The following IGF1 variants were observed in gnomAD, a reference collection of about 807,000 sequenced individuals.
The protein encoded by IGF1 is insulin-like growth factor 1.
In IGF1, 4 loss-of-function variants were observed where a neutral mutation model predicts 13.8. The ratio of observed to expected loss-of-function variants is 0.29; its 90% confidence interval spans 0.14 to 0.66. The LOEUF (loss-of-function observed/expected upper bound fraction) is 0.66. IGF1 is among the 30% of genes least tolerant of loss of function. The pLI is 0.78. For missense variants in IGF1, 124 were observed against 188.5 expected (o/e 0.66, Z 2.00); for synonymous variants, 76 against 72.6 (o/e 1.05, Z -0.23).
intron 2 of IGF1, among the ~76,000 whole-genome samples, chr12:102,433,336 A>G (rs745454680): frequency 6.6e-6 from 1 of 152,220 alleles, no homozygotes; most frequent in Non-Finnish European, 1.5e-5. Flanking sequence ...ACAGGTCACT[A>G]TCTCCTTATA....
intron 2 of IGF1, among the ~76,000 whole-genome samples, chr12:102,425,555 G>A (rs1876128140): frequency 6.6e-6 from 1 of 152,192 alleles, no homozygotes; most frequent in African/African-American, 2.4e-5. Context: ...TAAAAGGAAT[G>A]AAGCAGAGTT....
At chr12:102,481,834 C>T (rs1196544056), upstream of IGF1, 4 of 150,620 alleles carry the variant, frequency 2.7e-5, no homozygotes, top group African/African-American at 9.8e-5. Flanking sequence ...AAACACAGTT[C>T]TGCTTGAAAT....
intron 2 of IGF1, among the ~76,000 whole-genome samples, chr12:102,421,531 G>A (rs1875719269): frequency 6.6e-6 from 1 of 152,116 alleles, no homozygotes; most frequent in Non-Finnish European, 1.5e-5. Flanking sequence ...GGGGAGGAAG[G>A]AAAAGGTGAC....
chr12:102,477,841 A>G (rs1178171883), intron 1 of IGF1, among the ~76,000 whole-genome samples: 1 of 152,164 alleles, frequency 6.6e-6, no homozygotes, highest in African/African-American at 2.4e-5. Context: ...CAGGGAAAAA[A>G]ATTACTCAAG....
intron 2 of IGF1, among the ~76,000 whole-genome samples, chr12:102,435,018 A>G (rs1383337373): frequency 1.3e-5 from 2 of 152,226 alleles, no homozygotes; most frequent in Non-Finnish European, 2.9e-5. Flanking sequence ...ATAACAATAT[A>G]ACAATTAAAA....
chr12:102,481,347 CTGTGTGTGTG>C (rs3033407), upstream of IGF1, among the ~76,000 whole-genome samples: 50 of 140,376 alleles, frequency 3.6e-4, no homozygotes, highest in Middle Eastern at 3.7e-3. Context: ...TAACTCAAAC[CTGTGTGTGTG>C]TGTGTGTGTG....
Position 102,402,359 on chromosome 12 carries a change from A to G in IGF1, c.*148T>C. Reference sequence around the variant, plus strand: ...TCCTAAAGACAATGTTGGAATGTTTACTTGTGTATTTCATTGGGGGAAACG... The same window carrying G: ...TCCTAAAGACAATGTTGGAATGTTTGCTTGTGTATTTCATTGGGGGAAACG... On this transcript the variant is annotated 3_prime_UTR_variant, in exon 4 of 4. Coordinates refer to ENST00000337514, the MANE Select transcript of IGF1 (RefSeq NM_000618.5). The G allele has an allele frequency of 2.7e-6, 2 of 752,788 alleles. No homozygotes were observed. The highest frequency in any genetic ancestry group is 4.9e-6 in the Non-Finnish European group (2 of 404,666). The allele number at this position is 752,788 out of a possible 1,614,324, so 46.6% of individuals were successfully genotyped here.
chr12:102,458,085 G>A (rs550596400), intron 2 of IGF1, among the ~76,000 whole-genome samples: 1 of 152,178 alleles, frequency 6.6e-6, no homozygotes, highest in Non-Finnish European at 1.5e-5. Context: ...TCTGGTGCCT[G>A]AGATTTGATT....
intron 2 of IGF1, among the ~76,000 whole-genome samples, chr12:102,449,943 C>T (rs1281500602): frequency 6.6e-6 from 1 of 152,070 alleles, no homozygotes; most frequent in Non-Finnish European, 1.5e-5. Context: ...CACGGATTCT[C>T]CTTTCGTCTC....
chr12:102,452,726 A>G (rs12313279), intron 2 of IGF1, among the ~76,000 whole-genome samples: 103,299 of 152,050 alleles, frequency 0.68, 35,328 homozygotes, highest in Admixed American at 0.75. Flanking sequence ...TTCTCTTCTT[A>G]TTGGCTAACT....
intron 2 of IGF1, among the ~76,000 whole-genome samples, chr12:102,453,348 A>T (rs958857074): frequency 4.6e-5 from 7 of 152,136 alleles, no homozygotes; most frequent in African/African-American, 1.7e-4. Flanking sequence ...TGGAAAGATG[A>T]TCTTAAAGAG....
chr12:102,463,841 C>T (rs772947681), intron 2 of IGF1, among the ~76,000 whole-genome samples: 2 of 152,174 alleles, frequency 1.3e-5, no homozygotes, highest in African/African-American at 2.4e-5. Flanking sequence ...CTTGGCTTTC[C>T]GACCAGTAGC....
chr12:102,452,000 C>T (rs1252924939), intron 2 of IGF1, among the ~76,000 whole-genome samples: 1 of 152,096 alleles, frequency 6.6e-6, no homozygotes, highest in Non-Finnish European at 1.5e-5. Flanking sequence ...CGGTGGCTCA[C>T]GCCTGTAATC....
At position 102,475,784 on chromosome 12, in the gene IGF1, T is replaced by C. The variant is rs1422040301; in HGVS notation, c.79A>G (p.Met27Val). 2 of 1,613,516 alleles carry C rather than the reference T, an allele frequency of 1.2e-6. No homozygotes were observed. The highest frequency in any genetic ancestry group is 1.6e-4 in the Middle Eastern group (1 of 6,082). ...CDFLKVKMHTMSSSHLFYLAL... is the reference protein window; with the variant it reads ...CDFLKVKMHTVSSSHLFYLAL... ...AGGTAGAAGAGATGCGAGGAGGACATGGTGTGCATCTTCACCTGCCCAAGA... is the reference window on the plus strand; with the variant it reads ...AGGTAGAAGAGATGCGAGGAGGACACGGTGTGCATCTTCACCTGCCCAAGA... Residue 27 changes from methionine (M) to valine (V), a missense_variant, in exon 2 of 4, where the codon ATG becomes GTG. Physicochemically the swap from Met to Val is conservative, Grantham distance 21. Around this residue, in one of 2 missense-constraint regions of IGF1, gnomAD observed 99 missense variants for 171.4 expected, o/e 0.58. Coordinates refer to ENST00000337514, the MANE Select transcript of IGF1 (RefSeq NM_000618.5).
intron 2 of IGF1, among the ~76,000 whole-genome samples, chr12:102,428,565 G>A (rs1876439855): frequency 6.6e-6 from 1 of 152,092 alleles, no homozygotes; most frequent in Non-Finnish European, 1.5e-5. Context: ...GAAAACCGGA[G>A]TCCTAAGGAA....
At chr12:102,473,972 G>A (rs191792626) in intron 2 of IGF1, among the ~76,000 whole-genome samples, 36 of 152,222 alleles carry the variant, frequency 2.4e-4, no homozygotes, top group Admixed American at 7.8e-4. Context: ...AACCTGGCAC[G>A]TAACAGAGGA....
At position 102,402,405 on chromosome 12, in the gene IGF1, A is replaced by C. The variant is rs1160123205; in HGVS notation, c.*102T>G. ...AAACGCCCATCTTTTAAATGTTATCAAACTTATTTTTTGGTAGGTGTTCCA... is the reference window on the plus strand; with the variant it reads ...AAACGCCCATCTTTTAAATGTTATCCAACTTATTTTTTGGTAGGTGTTCCA... On this transcript the variant is annotated 3_prime_UTR_variant, in exon 4 of 4. Transcript: ENST00000337514. 3 of 777,578 alleles carry C rather than the reference A, an allele frequency of 3.9e-6. No individual in the cohort carries two copies. The highest frequency in any genetic ancestry group is 1.7e-5 in the African/African-American group (1 of 58,954). 48.2% of individuals were successfully genotyped at this position (777,578 alleles called of 1,614,324 possible).
intron 2 of IGF1, among the ~76,000 whole-genome samples, chr12:102,460,528 T>G (rs551854295): frequency 2.3e-4 from 35 of 152,324 alleles, no homozygotes; most frequent in Middle Eastern, 3.4e-3. Flanking sequence ...GCCCAGCTGA[T>G]GATTCTACAA....
At chr12:102,441,906 G>GCTGCTT in intron 2 of IGF1, among the ~76,000 whole-genome samples, 6 of 100,290 alleles carry the variant, frequency 6.0e-5, no homozygotes, top group Non-Finnish European at 8.3e-5. Flanking sequence ...CTATTACACT[G>GCTGCTT]CTTCTTCTCC....
Sources: gnomAD v4.1 joint callset for allele counts (sites outside exome capture counted in the v4.1 genomes callset) on GRCh38, gnomAD v4.1.1 for gene constraint, gnomAD v4.1.1 regional missense constraint, MANE v1.5 for transcripts, NCBI Gene and HGNC (gene_info 2026-07-23, HGNC 2026-07-21) for gene names.